The following TARS3 variants were observed in gnomAD, a reference collection of about 807,000 sequenced individuals.
TARS3 encodes the protein threonyl-tRNA synthetase 3, also known as threonine--tRNA ligase 2, cytoplasmic.
TARS3 carries 94 observed loss-of-function variants against 103.5 expected under a neutral mutation model. The ratio of observed to expected loss-of-function variants is 0.91; its 90% confidence interval spans 0.77 to 1.08. The LOEUF (loss-of-function observed/expected upper bound fraction) is 1.08. Ranked by LOEUF, TARS3 falls within the 50% of genes least tolerant of loss-of-function variation. TARS3 has a pLI of 0.00. For synonymous variants in TARS3, 416 were observed against 355.4 expected, an observed-to-expected ratio of 1.17 and a Z score of -1.92; for missense variants, 952 against 995.2, an observed-to-expected ratio of 0.96 and a Z score of 0.58.
chr15:101,718,124 T>A (rs928700923), intron 3 of TARS3, among the ~76,000 whole-genome samples: 2 of 151,948 alleles, frequency 1.3e-5, no homozygotes, highest in Non-Finnish European at 2.9e-5. Context: ...ATCCCAACAT[T>A]TTGGGAGGCT....
chr15:101,704,509 G>A (rs929977166), intron 7 of TARS3, among the ~76,000 whole-genome samples: 3 of 151,862 alleles, frequency 2.0e-5, no homozygotes, highest in African/African-American at 7.3e-5. Context: ...TAAAAAATTA[G>A]CTGGGCGTGG....
At position 101,653,962 on chromosome 15, in the gene TARS3, T is replaced by G. The variant is rs760396572; in HGVS notation, c.*620A>C. 6.6e-6 allele frequency: 1 copy of G among 152,268 alleles called. No individual in the cohort carries two copies. The highest frequency in any genetic ancestry group is 1.9e-4 in the East Asian group (1 of 5,200). 9.4% of individuals were successfully genotyped at this position (152,268 alleles called of 1,614,324 possible). A position where few individuals can be genotyped will look rare whatever the true frequency, so the allele number is the denominator to read the frequency against. On this transcript the variant is annotated 3_prime_UTR_variant, in exon 19 of 19. Coordinates refer to ENST00000335968, the MANE Select transcript of TARS3 (RefSeq NM_152334.3). ...GATGCAATTCATTTGGGAATTTATT[T>G]TTTTCTAAAGCGGAACAAAACCTAA...
intron 10 of TARS3, chr15:101,699,528 CA>C: frequency 2.3e-6 from 1 of 444,024 alleles, no homozygotes; most frequent in Non-Finnish European, 4.5e-6. Context: ...TACAAGGTGC[CA>C]GGGGCCATGC....
chr15:101,720,850 C>G (rs1427768216), intron 3 of TARS3, among the ~76,000 whole-genome samples: 1 of 152,106 alleles, frequency 6.6e-6, no homozygotes, highest in Non-Finnish European at 1.5e-5. Flanking sequence ...GGGGTTTTCC[C>G]CCCACTTTGC....
rs750404977 is a variant in TARS3 at position 101,671,742 on chromosome 15, G to A, written c.1795C>T (p.Gln599Ter). 3.7e-6 allele frequency: 6 copies of A among 1,612,610 alleles called. No homozygotes were observed. Among genetic ancestry groups the A allele is most frequent in the Non-Finnish European group, 5.1e-6 (6 of 1,179,718 alleles). The part of the protein sequence containing the change: ...EMWNEAEKQL[Q>*]NSLMDFGEPW... The stretch of plus-strand genomic sequence containing the variant: ...TCTCCAAAGTCCATCAAGCTGTTCT[G>A]CAGTTGCTTTTTCAAAAGAAGAAAA... The change falls in exon 14 of 19, where the codon CAG (glutamine) becomes TAG (stop). Residue 599 changes from glutamine (Q) to a stop codon, truncating the protein, a stop_gained. Coordinates refer to ENST00000335968, the MANE Select transcript of TARS3 (RefSeq NM_152334.3). LOFTEE classifies it high-confidence loss of function.
chr15:101,679,831 T>C (rs993595474), intron 12 of TARS3, among the ~76,000 whole-genome samples: 3 of 152,206 alleles, frequency 2.0e-5, no homozygotes, highest in Admixed American at 6.5e-5. Context: ...GGAAAAGCAG[T>C]CCAAGCTCCT....
chr15:101,673,128 T>C (rs1262395681), intron 13 of TARS3, among the ~76,000 whole-genome samples: 1 of 152,186 alleles, frequency 6.6e-6, no homozygotes, highest in Non-Finnish European at 1.5e-5. Context: ...CCTCAGTGAT[T>C]TCCAGGCCAG....
chr15:101,683,938 C>T, intron 12 of TARS3, 137 bp downstream of exon 12: 1 of 673,596 alleles, frequency 1.5e-6, no homozygotes, highest in Non-Finnish European at 2.2e-6. Flanking sequence ...TAGAGAATCA[C>T]AGCAGGTTAG....
At chr15:101,669,236 T>C (rs953403012) in intron 15 of TARS3, among the ~76,000 whole-genome samples, 25 of 152,168 alleles carry the variant, frequency 1.6e-4, no homozygotes, top group African/African-American at 5.8e-4. Context: ...AAAGTAAAAA[T>C]TTTTGAAGTT....
chr15:101,703,394 A>G (rs1375772769), intron 8 of TARS3, among the ~76,000 whole-genome samples: 3 of 152,164 alleles, frequency 2.0e-5, no homozygotes, highest in Non-Finnish European at 4.4e-5. Flanking sequence ...GTTCGAGACC[A>G]GCCTGACCAA....
intron 10 of TARS3, among the ~76,000 whole-genome samples, chr15:101,696,822 A>G (rs1899004254): frequency 6.6e-6 from 1 of 152,172 alleles, no homozygotes; most frequent in East Asian, 1.9e-4. Context: ...TCCACCACTG[A>G]TTTACACAAC....
intron 7 of TARS3, 114 bp downstream of exon 7, chr15:101,705,569 T>C (rs1390494383): frequency 3.8e-6 from 3 of 796,208 alleles, no homozygotes; most frequent in East Asian, 2.7e-5. Flanking sequence ...CTACGGTAGA[T>C]TATCAACTAC....
In TARS3 at chr15:101,682,002, T is replaced by C. The variant is rs140571367; in HGVS notation, c.1650+2073A>G. 5.1e-3 allele frequency among the ~76,000 whole-genome samples: 784 copies of C among 152,360 alleles called. 16 individuals are homozygous for C. The highest frequency in any genetic ancestry group is 3.7e-3 in the Non-Finnish European group (254 of 68,038). On this transcript the variant is annotated intron_variant, in intron 12 of 18. Coordinates refer to ENST00000335968, the MANE Select transcript of TARS3 (RefSeq NM_152334.3). ...ATTTTTGTATGTTGATATTCCATACTACAATTTTTCTAAATTCACCTTACT... is the reference window on the plus strand; with the variant it reads ...ATTTTTGTATGTTGATATTCCATACCACAATTTTTCTAAATTCACCTTACT...
At chr15:101,700,415 T>C (rs1425909551) in intron 10 of TARS3, among the ~76,000 whole-genome samples, 1 of 152,192 alleles carries the variant, frequency 6.6e-6, no homozygotes, top group Non-Finnish European at 1.5e-5. Context: ...TGGAGCACAT[T>C]TGGAGAAGCA....
At chr15:101,713,707 G>T (rs1184674496) in intron 4 of TARS3, among the ~76,000 whole-genome samples, 1 of 152,178 alleles carries the variant, frequency 6.6e-6, no homozygotes, top group African/African-American at 2.4e-5. Flanking sequence ...GAAGAAATAA[G>T]TTTTGGGGTT....
At chr15:101,658,980 C>G (rs145104606) in intron 16 of TARS3, among the ~76,000 whole-genome samples, 1 of 152,044 alleles carries the variant, frequency 6.6e-6, no homozygotes, top group African/African-American at 2.4e-5. Context: ...TCAGTAGAGA[C>G]GGGGTTTCAC....
At chr15:101,679,670 G>T (rs994519096) in intron 12 of TARS3, among the ~76,000 whole-genome samples, 1 of 152,076 alleles carries the variant, frequency 6.6e-6, no homozygotes, top group Non-Finnish European at 1.5e-5. Context: ...GATTTTTCTT[G>T]TTCTTAGCAT....
At chr15:101,713,802 A>C (rs1899992729) in intron 4 of TARS3, among the ~76,000 whole-genome samples, 1 of 152,198 alleles carries the variant, frequency 6.6e-6, no homozygotes, top group Admixed American at 6.5e-5. Context: ...AGTGCATAAA[A>C]ACTGAGGCAT....
intron 11 of TARS3, among the ~76,000 whole-genome samples, chr15:101,684,488 G>A (rs1299042259): frequency 1.3e-5 from 2 of 152,128 alleles, no homozygotes; most frequent in Non-Finnish European, 1.5e-5. Context: ...TATCCACACA[G>A]TGAATCACCA....
Sources: allele counts gnomAD v4.1 joint callset (sites outside exome capture counted in the v4.1 genomes callset), GRCh38; gene constraint gnomAD v4.1.1; transcripts MANE v1.5; gene names NCBI Gene and HGNC (gene_info 2026-07-23, HGNC 2026-07-21).